The following MLIP variants were observed in gnomAD, a reference collection of about 807,000 sequenced individuals.
MLIP encodes muscular LMNA-interacting protein.
A neutral mutation model predicts 84.8 loss-of-function variants in MLIP; 79 were observed. The observed-to-expected ratio is 0.93, with a 90% CI of 0.78 to 1.12. The LOEUF is 1.12. MLIP is among the 50% of genes most tolerant of loss of function. The probability of loss-of-function intolerance (pLI) is 0.00; values close to 1 mark genes in which losing one functional copy is unlikely to be tolerated. For synonymous variants in MLIP, 504 were observed against 463.0 expected (o/e 1.09, Z -1.14); for missense variants, 1,257 against 1,160.6 (o/e 1.08, Z -1.21).
At chr6:54,040,884 G>C (rs530686992) in intron 1 of MLIP, among the ~76,000 whole-genome samples, 6 of 152,046 alleles carry the variant, frequency 3.9e-5, no homozygotes, top group Non-Finnish European at 7.4e-5. Context: ...TGGACATAAA[G>C]ACAGGAATAA....
chr6:54,215,522 G>A, intron 11 of MLIP: 1 of 489,678 alleles, frequency 2.0e-6, no homozygotes, highest in Non-Finnish European at 2.9e-6. Context: ...AAAATGTGAT[G>A]ATTTGATGTA....
At chr6:54,194,901 A>G (rs1778189591) in intron 10 of MLIP, among the ~76,000 whole-genome samples, 1 of 151,750 alleles carries the variant, frequency 6.6e-6, no homozygotes, top group African/African-American at 2.4e-5. Flanking sequence ...GTGTTTTGAG[A>G]TTTAAGATAT....
rs527317587 is a variant in MLIP at position 54,058,786 on chromosome 6, A to G, written c.63+39695A>G. 23 of 152,334 alleles carry G rather than the reference A, an allele frequency of 1.5e-4. No homozygotes were observed. In the East Asian group the frequency reaches 2.3e-3, roughly 15 times the overall value. 9.4% of individuals were successfully genotyped at this position (152,334 alleles called of 1,614,324 possible). A position where few individuals can be genotyped will look rare whatever the true frequency, so the allele number is the denominator to read the frequency against. Reference sequence around the variant, plus strand: ...CATTGGACCCTCAAACAAATATCAGATATCAGATATTGGCTCAAAGACAAT... The same window carrying G: ...CATTGGACCCTCAAACAAATATCAGGTATCAGATATTGGCTCAAAGACAAT... On this transcript the variant is annotated intron_variant, in intron 1 of 12. Coordinates refer to the MLIP transcript ENST00000274897.
At chr6:54,198,651 C>T (rs189265639) in intron 10 of MLIP, among the ~76,000 whole-genome samples, 1 of 152,256 alleles carries the variant, frequency 6.6e-6, no homozygotes, top group South Asian at 2.1e-4. Flanking sequence ...AGAATTACAA[C>T]CCTTCAACAG....
intron 12 of MLIP, among the ~76,000 whole-genome samples, chr6:54,250,423 A>C (rs1327057806): frequency 1.3e-5 from 2 of 152,134 alleles, no homozygotes; most frequent in Non-Finnish European, 2.9e-5. Flanking sequence ...TGATCACTGC[A>C]GCACTATTCA....
In MLIP at chr6:54,202,202, T is replaced by G. The variant is rs1252569511; in HGVS notation, c.2687T>G (p.Leu896Trp). ...VYEPNPFSKYLEDNSDLFSEQ... is the reference protein window; with the variant it reads ...VYEPNPFSKYWEDNSDLFSEQ... The stretch of plus-strand genomic sequence containing the variant: ...GAACCCAACCCTTTCAGTAAATACT[T>G]GGAAGATAACAGCGACCTCTTTTCT... Residue 896 changes from leucine to tryptophan, a missense_variant, in exon 11 of 14, where the codon TTG (leucine) becomes TGG (tryptophan). Physicochemically the swap from Leu to Trp is moderately conservative, Grantham distance 61. Coordinates refer to ENST00000502396, the MANE Select transcript of MLIP (RefSeq NM_001281747.2). 1 of 1,583,530 alleles carries G rather than the reference T, an allele frequency of 6.3e-7. No homozygotes were observed. Among genetic ancestry groups the G allele is most frequent in the South Asian group, 1.2e-5 (1 of 84,830 alleles).
At chr6:54,261,742 G>T in intron 13 of MLIP, 1 of 984,930 alleles carries the variant, frequency 1.0e-6, no homozygotes, top group Non-Finnish European at 1.2e-6. Flanking sequence ...TTACTTGCCC[G>T]TGGAAGCCAC....
chr6:54,095,263 C>G (rs1358918277), intron 1 of MLIP, among the ~76,000 whole-genome samples: 1 of 152,080 alleles, frequency 6.6e-6, no homozygotes, highest in African/African-American at 2.4e-5. Flanking sequence ...TATCTTGAGG[C>G]TAAAGTAAAC....
intron 12 of MLIP, among the ~76,000 whole-genome samples, chr6:54,234,992 T>A (rs776108502): frequency 4.6e-5 from 7 of 152,186 alleles, no homozygotes; most frequent in Non-Finnish European, 1.0e-4. Context: ...TGCTTGCTTA[T>A]CATTTCCCCT....
chr6:54,220,082 C>T (rs1032746188), intron 11 of MLIP, among the ~76,000 whole-genome samples: 3 of 152,100 alleles, frequency 2.0e-5, no homozygotes, highest in African/African-American at 7.2e-5. Flanking sequence ...AGCTTGTCAT[C>T]AGACATACGT....
intron 1 of MLIP, among the ~76,000 whole-genome samples, chr6:54,068,417 G>T (rs1221935742): frequency 1.0e-5 from 1 of 98,520 alleles, no homozygotes; most frequent in Admixed American, 9.5e-5. Context: ...CATAACAGGC[G>T]AGCCACTGCA....
chr6:54,053,597 T>A (rs1163397466), intron 1 of MLIP, among the ~76,000 whole-genome samples: 1 of 152,222 alleles, frequency 6.6e-6, no homozygotes, highest in Non-Finnish European at 1.5e-5. Flanking sequence ...AATGCCAAAT[T>A]GCAGAATGCT....
chr6:54,215,529 T>A (rs1480593548), intron 11 of MLIP: 2 of 446,464 alleles, frequency 4.5e-6, no homozygotes, highest in Non-Finnish European at 3.3e-6. Flanking sequence ...GATGATTTGA[T>A]GTATGTGTAC....
chr6:54,158,384 C>A (rs187047266), intron 5 of MLIP, among the ~76,000 whole-genome samples: 3 of 152,022 alleles, frequency 2.0e-5, no homozygotes, highest in African/African-American at 7.2e-5. Flanking sequence ...TATATTCAAG[C>A]GACGATATTT....
chr6:54,118,231 A>G (rs1161488018), intron 1 of MLIP, among the ~76,000 whole-genome samples: 7 of 152,230 alleles, frequency 4.6e-5, no homozygotes, highest in African/African-American at 1.4e-4. Context: ...CAACAAGAAC[A>G]AAGCTGGAGG....
At chr6:54,133,745 T>A (rs1010850368) in intron 3 of MLIP, among the ~76,000 whole-genome samples, 5 of 152,190 alleles carry the variant, frequency 3.3e-5, no homozygotes, top group Non-Finnish European at 7.3e-5. Flanking sequence ...AATTTATGAT[T>A]AGGATCATCT....
chr6:54,179,241 G>A (rs1193495470), intron 9 of MLIP, among the ~76,000 whole-genome samples: 1 of 152,004 alleles, frequency 6.6e-6, no homozygotes, highest in Non-Finnish European at 1.5e-5. Flanking sequence ...GTTTTCATAG[G>A]CATGGAATAT....
chr6:54,117,625 T>C (rs1175418813), intron 1 of MLIP, among the ~76,000 whole-genome samples: 1 of 151,760 alleles, frequency 6.6e-6, no homozygotes, highest in East Asian at 1.9e-4. Context: ...AAATTGACCT[T>C]GTTTGCAGAT....
At chr6:54,181,726 G>A (rs1270729804) in intron 9 of MLIP, among the ~76,000 whole-genome samples, 1 of 152,182 alleles carries the variant, frequency 6.6e-6, no homozygotes. Flanking sequence ...TAGTCAGCAA[G>A]TGATGAGTCC....
Sources: allele counts gnomAD v4.1 joint callset (sites outside exome capture counted in the v4.1 genomes callset), GRCh38; gene constraint gnomAD v4.1.1; transcripts MANE v1.5; gene names NCBI Gene and HGNC (gene_info 2026-07-23, HGNC 2026-07-21).